Variants in LIMD1 observed in about 807,000 individuals in gnomAD.
The protein encoded by LIMD1 is LIM domain-containing protein 1.
LIMD1 carries 23 observed loss-of-function variants against 58.4 expected under a neutral mutation model. The observed-to-expected ratio is 0.39, with a 90% CI of 0.28 to 0.56. The LOEUF is 0.56. Among genes scored for constraint, LIMD1 ranks in the 20% least tolerant of loss-of-function variants. The pLI is 0.57. For missense variants in LIMD1, 838 were observed against 855.5 expected (o/e 0.98, Z 0.25); for synonymous variants, 334 against 345.5 (o/e 0.97, Z 0.37).
At chr3:45,674,314 T>A in intron 6 of LIMD1, 29 bp from the exon 7 acceptor site, 2 of 1,601,120 alleles carry the variant, frequency 1.2e-6, no homozygotes, top group Non-Finnish European at 1.7e-6. Context: ...AGGCCTCTCC[T>A]ATGTGTTCTT....
Position 45,681,278 on chromosome 3 carries a change from T to TA in LIMD1, c.*4219_*4220insA. The TA allele has an allele frequency of 6.6e-6, 1 of 152,240 alleles. No homozygotes were observed. The highest frequency in any genetic ancestry group is 2.1e-4 in the South Asian group (1 of 4,836). 9.4% of individuals were successfully genotyped at this position (152,240 alleles called of 1,614,324 possible). On this transcript the variant is annotated 3_prime_UTR_variant, in exon 8 of 8. Coordinates refer to ENST00000273317, the MANE Select transcript of LIMD1 (RefSeq NM_014240.3). Reference sequence around the variant, plus strand: ...CTTGAACATTATATTTCCTGGGTCTTTTCTGTGTGTGGAGTCAGCAAACTG... The same window carrying TA: ...CTTGAACATTATATTTCCTGGGTCTTATTCTGTGTGTGGAGTCAGCAAACTG...
intron 2 of LIMD1, among the ~76,000 whole-genome samples, chr3:45,663,067 C>G (rs1314741680): frequency 6.6e-6 from 1 of 151,822 alleles, no homozygotes; most frequent in Non-Finnish European, 1.5e-5. Context: ...ATTGGTATAT[C>G]TTCAGGCATT....
chr3:45,624,629 A>G (rs1701653273), intron 1 of LIMD1, among the ~76,000 whole-genome samples: 3 of 152,224 alleles, frequency 2.0e-5, no homozygotes, highest in Non-Finnish European at 2.9e-5. Flanking sequence ...AGGCTGAGGC[A>G]GGAGAATGGC....
chr3:45,641,575 C>T (rs191315236), intron 2 of LIMD1, among the ~76,000 whole-genome samples: 1 of 150,750 alleles, frequency 6.6e-6, no homozygotes, highest in Admixed American at 6.6e-5. Context: ...TTGGTATATA[C>T]ACATACTTCC....
intron 2 of LIMD1, among the ~76,000 whole-genome samples, chr3:45,639,613 A>C (rs921493340): frequency 6.6e-6 from 1 of 152,210 alleles, no homozygotes; most frequent in East Asian, 1.9e-4. Context: ...CCTCATGAGA[A>C]TCACCTCCCA....
chr3:45,656,567 G>C (rs1160059644), intron 2 of LIMD1, among the ~76,000 whole-genome samples: 5 of 151,354 alleles, frequency 3.3e-5, no homozygotes, highest in Admixed American at 3.3e-4. Flanking sequence ...CGCCAGGCTG[G>C]AGTGCAGTGG....
intron 2 of LIMD1, among the ~76,000 whole-genome samples, chr3:45,648,059 CTGTT>C (rs1701924554): frequency 1.3e-5 from 2 of 151,320 alleles, no homozygotes; most frequent in African/African-American, 4.9e-5. Flanking sequence ...TAGATTGAAA[CTGTT>C]TGCAGGAATC....
chr3:45,644,529 C>T (rs771079862), intron 2 of LIMD1, among the ~76,000 whole-genome samples: 3 of 152,150 alleles, frequency 2.0e-5, no homozygotes, highest in Admixed American at 6.5e-5. Flanking sequence ...CCCATGGCGG[C>T]GCACTAAATC....
At chr3:45,627,162 T>C (rs1398786311) in intron 1 of LIMD1, among the ~76,000 whole-genome samples, 1 of 152,050 alleles carries the variant, frequency 6.6e-6, no homozygotes, top group African/African-American at 2.4e-5. Flanking sequence ...TTGGCCTTCA[T>C]CTCCTAGCTG....
At chr3:45,662,480 C>A (rs904556947) in intron 2 of LIMD1, among the ~76,000 whole-genome samples, 4 of 151,816 alleles carry the variant, frequency 2.6e-5, no homozygotes, top group African/African-American at 9.7e-5. Context: ...GGAAATAATC[C>A]TTATTTACCT....
At chr3:45,604,400 G>C (rs1180479837) in intron 1 of LIMD1, among the ~76,000 whole-genome samples, 3 of 152,206 alleles carry the variant, frequency 2.0e-5, no homozygotes, top group African/African-American at 7.2e-5. Flanking sequence ...AGGGGCAGAG[G>C]TGAGGAAGCT....
intron 6 of LIMD1, 74 bp downstream of exon 6, chr3:45,673,579 C>T: frequency 8.3e-7 from 1 of 1,198,744 alleles, no homozygotes; most frequent in Non-Finnish European, 1.2e-6. Flanking sequence ...TTTACAAGAT[C>T]CATGTCCTGT....
At chr3:45,597,750 C>T (rs1210248803) in intron 1 of LIMD1, among the ~76,000 whole-genome samples, 1 of 152,152 alleles carries the variant, frequency 6.6e-6, no homozygotes, top group Non-Finnish European at 1.5e-5. Flanking sequence ...AGACAGCTGG[C>T]TTACTGCTGT....
At position 45,622,124 on chromosome 3, in the gene LIMD1, ACCATCACC is replaced by A. The variant is rs1218834963; in HGVS notation, c.1409-14025_1409-14018del. 2.0e-5 allele frequency among the ~76,000 whole-genome samples: 3 copies of A among 152,134 alleles called. No homozygotes were observed. In the East Asian group the frequency reaches 5.8e-4, roughly 29 times the overall value. ...TTTAGTGTATTTGCAGAGTTGTGCA[ACCATCACC>A]ACTATCTAATTTTAGAAGAATTTTA... is the stretch of plus-strand genomic sequence containing the variant. On this transcript the variant is annotated intron_variant, in intron 1 of 7. Coordinates refer to ENST00000273317, the MANE Select transcript of LIMD1 (RefSeq NM_014240.3).
intron 1 of LIMD1, among the ~76,000 whole-genome samples, chr3:45,610,127 T>C (rs1331173932): frequency 6.6e-6 from 1 of 151,820 alleles, no homozygotes; most frequent in Non-Finnish European, 1.5e-5. Flanking sequence ...GGGAGGCGAG[T>C]GAGCCGAGAT....
chr3:45,677,687 G>T lies in LIMD1; in HGVS notation c.*628G>T, dbSNP rs889178805. 1.3e-5 allele frequency: 2 copies of T among 152,260 alleles called. No homozygotes were observed. The allele number at this position is 152,260 out of a possible 1,614,324, so 9.4% of individuals were successfully genotyped here. On this transcript the variant is annotated 3_prime_UTR_variant, in exon 8 of 8. Transcript: ENST00000273317. ...CAAGATTTGAAATAGGTGAGGCAGG[G>T]TTTCCTCCTTAGACACTGACAGCAT...
intron 1 of LIMD1, 135 bp downstream of exon 1, chr3:45,596,422 T>C: frequency 1.4e-6 from 1 of 714,436 alleles, no homozygotes; most frequent in Non-Finnish European, 2.3e-6. Context: ...TTTTTTTGTT[T>C]TGGGCTTCCT....
At chr3:45,630,719 G>T (rs75802193) in intron 1 of LIMD1, among the ~76,000 whole-genome samples, 1 of 151,728 alleles carries the variant, frequency 6.6e-6, no homozygotes, top group South Asian at 2.1e-4. Context: ...GATGGGGGGG[G>T]TTGGGGGGCA....
At chr3:45,663,413 C>G (rs1697469554) in intron 2 of LIMD1, among the ~76,000 whole-genome samples, 1 of 152,188 alleles carries the variant, frequency 6.6e-6, no homozygotes, top group Admixed American at 6.5e-5. Flanking sequence ...GATACTCCCA[C>G]CAGTGTGAAA....
Sources: gnomAD v4.1 joint callset for allele counts (sites outside exome capture counted in the v4.1 genomes callset) on GRCh38, gnomAD v4.1.1 for gene constraint, MANE v1.5 for transcripts, NCBI Gene and HGNC (gene_info 2026-07-23, HGNC 2026-07-21) for gene names.